ZNF12: variants seen among roughly 807,000 people sequenced by gnomAD.
ZNF12 encodes gonadotropin inducible transcription repressor 3.
In ZNF12, 34 loss-of-function variants were observed where a neutral mutation model predicts 66.6. That is an observed-to-expected ratio of 0.51 (90% confidence interval 0.39 to 0.68). ZNF12 has a LOEUF of 0.68. ZNF12 is among the 30% of genes least tolerant of loss of function. The pLI is 0.00. For missense variants in ZNF12, 697 were observed against 826.9 expected (o/e 0.84, Z 1.93); for synonymous variants, 320 against 278.9 (o/e 1.15, Z -1.47).
At position 6,692,213 on chromosome 7, in the gene ZNF12, C is replaced by T. The variant is rs774826984; in HGVS notation, c.729G>A (p.Trp243Ter). ...VNHMEEKPYK[W>*]NGSEIAFLQM... ...GGAGAAAGGCTATTTCAGATCCATT[C>T]CACTTATAGGGCTTTTCTTCCATGT... is the stretch of plus-strand genomic sequence containing the variant. The change falls in exon 5 of 5, where the codon TGG (tryptophan) becomes TGA (stop). Residue 243 changes from tryptophan to a stop codon, truncating the protein, a stop_gained. Transcript: ENST00000405858. LOFTEE classifies it high-confidence loss of function. The surrounding 1 kb of genome is among the most constrained non-coding windows in gnomAD (Gnocchi z 5.1). 6.2e-7 allele frequency: 1 copy of T among 1,614,006 alleles called. No individual in the cohort carries two copies. The highest frequency in any genetic ancestry group is 8.5e-7 in the Non-Finnish European group (1 of 1,179,880).
chr7:6,701,875 GA>G (rs1430711868), intron 2 of ZNF12, among the ~76,000 whole-genome samples: 1 of 145,432 alleles, frequency 6.9e-6, no homozygotes, highest in Non-Finnish European at 1.5e-5. Flanking sequence ...AAAACAAAAT[GA>G]AAAATCCTTT....
At position 6,692,013 on chromosome 7, in the gene ZNF12, C is replaced by T; in HGVS notation, c.929G>A (p.Gly310Glu). Residue 310 changes from glycine to glutamate, a missense_variant, in exon 5 of 5, where the codon GGA (glycine) becomes GAA (glutamate). Around this residue, in one of 3 missense-constraint regions of ZNF12, gnomAD observed 401 missense variants for 519.0 expected, o/e 0.77. Transcript: ENST00000405858. This position sits in a 1 kb window ranked among gnomAD's most constrained non-coding sequence, Gnocchi z 5.1. ...NQCGKSFCQKGTLTVHQRTHT... is the reference protein window; with the variant it reads ...NQCGKSFCQKETLTVHQRTHT... ...TGTTCTCTGATGCACAGTAAGGGTTCCCTTCTGGCAGAAGGATTTCCCACA... is the reference window on the plus strand; with the variant it reads ...TGTTCTCTGATGCACAGTAAGGGTTTCCTTCTGGCAGAAGGATTTCCCACA... 6.2e-7 allele frequency: 1 copy of T among 1,612,602 alleles called. No homozygotes were observed. The highest frequency in any genetic ancestry group is 8.5e-7 in the Non-Finnish European group (1 of 1,179,548).
At position 6,690,699 on chromosome 7, in the gene ZNF12, T is replaced by A; in HGVS notation, c.*149A>T. The A allele has an allele frequency of 1.3e-6, 1 of 762,812 alleles. No individual in the cohort carries two copies. Among genetic ancestry groups the A allele is most frequent in the Non-Finnish European group, 2.0e-6 (1 of 492,184 alleles). 47.3% of individuals were successfully genotyped at this position (762,812 alleles called of 1,614,324 possible). On this transcript the variant is annotated 3_prime_UTR_variant, in exon 5 of 5. Transcript: ENST00000405858. The stretch of plus-strand genomic sequence containing the variant: ...CTTGTTATAATCATGGTTTCCATTC[T>A]GTGAGTCTTCAGATTATGAGTCCAA...
Position 6,706,432 on chromosome 7 carries a change from C to T in ZNF12, c.-51G>A, listed in dbSNP as rs73331250. On this transcript the variant is annotated splice_region_variant and 5_prime_UTR_variant, in exon 1 of 5. Transcript: ENST00000405858. Reference sequence around the variant, plus strand: ...CCGGGCCCGCAAACCCACGACTTACCCTCCTGGGGCTCCGCAGCCTCTGCC... The same window carrying T: ...CCGGGCCCGCAAACCCACGACTTACTCTCCTGGGGCTCCGCAGCCTCTGCC... The T allele has an allele frequency of 2.1e-3, 1,020 of 476,652 alleles. 7 individuals carry two copies. Among genetic ancestry groups the T allele is most frequent in the African/African-American group, 0.019 (940 of 50,808 alleles). The allele number at this position is 476,652 out of a possible 1,614,324, so 29.5% of individuals were successfully genotyped here.
Position 6,697,406 on chromosome 7 carries a change from G to C in ZNF12, c.171C>G (p.Ile57Met), listed in dbSNP as rs775253717. 1 of 1,612,508 alleles carries C rather than the reference G, an allele frequency of 6.2e-7. No individual in the cohort carries two copies. The highest frequency in any genetic ancestry group is 8.5e-7 in the Non-Finnish European group (1 of 1,179,310). The change falls in exon 4 of 5, where the codon ATC becomes ATG. Residue 57 changes from isoleucine (I) to methionine (M), a missense_variant. Physicochemically the swap from Ile to Met is conservative, Grantham distance 10 (BLOSUM62 1). Transcript: ENST00000405858. The surrounding 1 kb of genome is among the most constrained non-coding windows in gnomAD (Gnocchi z 6.1). ...GCTCTTCTCCTTGCTCCAACTTGCT[G>C]ATAACATCCGGTTTGATAATGTGAT... is the stretch of plus-strand genomic sequence containing the variant. ...VGYHIIKPDV[I>M]SKLEQGEEPW...
At chr7:6,700,334 CACAT>C (rs1242933728) in intron 2 of ZNF12, among the ~76,000 whole-genome samples, 14 of 136,898 alleles carry the variant, frequency 1.0e-4, no homozygotes, top group Admixed American at 2.8e-4. Flanking sequence ...CACACACACA[CACAT>C]ATATATACAT....
Position 6,690,080 on chromosome 7 carries a change from TAAA to T in ZNF12, c.*765_*767del, listed in dbSNP as rs1780042160. On this transcript the variant is annotated 3_prime_UTR_variant, in exon 5 of 5. Coordinates refer to ENST00000405858, the MANE Select transcript of ZNF12 (RefSeq NM_016265.4). ...GACTCAGATACAGTTGAAAACATTA[TAAA>T]AGCATTGGTCCTTTAGAGCTGATAT... 1 of 152,250 alleles carries T rather than the reference TAAA, an allele frequency of 6.6e-6. No homozygotes were observed. Among genetic ancestry groups the T allele is most frequent in the Non-Finnish European group, 1.5e-5 (1 of 68,044 alleles). 9.4% of individuals were successfully genotyped at this position (152,250 alleles called of 1,614,324 possible). A position where few individuals can be genotyped will look rare whatever the true frequency, so the allele number is the denominator to read the frequency against.
Position 6,691,195 on chromosome 7 carries a change from C to A in ZNF12, c.1747G>T (p.Gly583Trp). 2 of 1,614,062 alleles carry A rather than the reference C, an allele frequency of 1.2e-6. No homozygotes were observed. The highest frequency in any genetic ancestry group is 8.5e-7 in the Non-Finnish European group (1 of 1,179,988). ...GEKPYECSEC[G>W]KTFCQNSALN... is the part of the protein sequence containing the mutation. The stretch of plus-strand genomic sequence containing the variant: ...GCTGAATTCTGGCAGAAGGTTTTCC[C>A]ACATTCACTACATTCATAGGGCTTC... The change falls in exon 5 of 5, where the codon GGG (glycine) becomes TGG (tryptophan). Residue 583 changes from glycine (G) to tryptophan (W), a missense_variant. Coordinates refer to ENST00000405858, the MANE Select transcript of ZNF12 (RefSeq NM_016265.4).
chr7:6,705,579 C>T lies in ZNF12; in HGVS notation c.-50-356G>A, dbSNP rs1225508279. 4.6e-5 allele frequency among the ~76,000 whole-genome samples: 7 copies of T among 151,926 alleles called. No individual in the cohort carries two copies. Among genetic ancestry groups the T allele is most frequent in the South Asian group, 2.1e-4 (1 of 4,822 alleles). On this transcript the variant is annotated intron_variant, in intron 1 of 4. Coordinates refer to ENST00000405858, the MANE Select transcript of ZNF12 (RefSeq NM_016265.4). This position sits in a 1 kb window ranked among gnomAD's most constrained non-coding sequence, Gnocchi z 4.0. ...AGTAAAAATACAAAAATTAGCTGGGCGTGGTGGCGGGCGCCTGTAACCCCA... is the reference window on the plus strand; with the variant it reads ...AGTAAAAATACAAAAATTAGCTGGGTGTGGTGGCGGGCGCCTGTAACCCCA...
rs1164352752 is a variant in ZNF12, at chr7:6,697,018, T to C, written c.238+321A>G. On this transcript the variant is annotated intron_variant, in intron 4 of 4. Coordinates refer to ENST00000405858, the MANE Select transcript of ZNF12 (RefSeq NM_016265.4). The surrounding 1 kb of genome is among the most constrained non-coding windows in gnomAD (Gnocchi z 6.1). ...ACGAAGAACACAAGAATCACATAAG[T>C]TATTTTTAAATGTCAGACTTATAAC... Among the ~76,000 whole-genome samples the C allele has an allele frequency of 1.3e-5, 2 of 151,014 alleles. No homozygotes were observed. Among genetic ancestry groups the C allele is most frequent in the African/African-American group, 2.4e-5 (1 of 41,130 alleles).
chr7:6,691,596 A>G lies in ZNF12; in HGVS notation c.1346T>C (p.Leu449Ser). The G allele has an allele frequency of 6.2e-7, 1 of 1,613,746 alleles. No individual in the cohort carries two copies. Among genetic ancestry groups the G allele is most frequent in the Non-Finnish European group, 8.5e-7 (1 of 1,179,880 alleles). ...CNECGKFFSR[L>S]SYLTVHYRTH... ...TCTATAATGTACAGTGAGATATGAC[A>G]ACCGAGAGAAGAATTTTCCACACTC... Residue 449 changes from leucine (L) to serine (S), a missense_variant, in exon 5 of 5, where the codon TTG becomes TCG. Leu to Ser is a moderately radical substitution (Grantham distance 145). Coordinates refer to ENST00000405858, the MANE Select transcript of ZNF12 (RefSeq NM_016265.4).
Position 6,692,174 on chromosome 7 carries a change from G to A in ZNF12, c.768C>T (p.Leu256=). 6.2e-7 allele frequency: 1 copy of A among 1,614,110 alleles called. No homozygotes were observed. Among genetic ancestry groups the A allele is most frequent in the Non-Finnish European group, 8.5e-7 (1 of 1,179,978 alleles). Residue 256 remains leucine (L), a synonymous_variant, in exon 5 of 5, where the codon CTC becomes CTT. Transcript: ENST00000405858. The surrounding 1 kb of genome is among the most constrained non-coding windows in gnomAD (Gnocchi z 5.1). The part of the protein sequence containing the change: ...SEIAFLQMSD[L]TVHQTSHMEM... ...CCATATGAGATGTCTGATGTACAGT[G>A]AGGTCCGACATCTGGAGAAAGGCTA...
chr7:6,692,668 T>C lies in ZNF12; in HGVS notation c.274A>G (p.Ile92Val), dbSNP rs1426321267. The C allele has an allele frequency of 6.2e-7, 1 of 1,607,568 alleles. No homozygotes were observed. Among genetic ancestry groups the C allele is most frequent in the Non-Finnish European group, 8.5e-7 (1 of 1,177,832 alleles). ...GAAGGTTTATTTTCCTCTTCCTGGA[T>C]TCTCTCTATTAGGTCATCAGTTTGC... ...VWQTDDLIER[I>V]QEEENKPSRQ... Residue 92 changes from isoleucine to valine, a missense_variant, in exon 5 of 5, where the codon ATC becomes GTC. Physicochemically the swap from Ile to Val is conservative, Grantham distance 29 (BLOSUM62 3). Transcript: ENST00000405858. This position sits in a 1 kb window ranked among gnomAD's most constrained non-coding sequence, Gnocchi z 5.1.
chr7:6,693,137 T>A (rs891063017), intron 4 of ZNF12, among the ~76,000 whole-genome samples: 1 of 152,036 alleles, frequency 6.6e-6, no homozygotes, highest in African/African-American at 2.4e-5. Context: ...TAGGGGGAGG[T>A]AAAGCTGTAC....
rs1388791415 is a variant in ZNF12 at position 6,692,632 on chromosome 7, C to G, written c.310G>C (p.Val104Leu). The G allele has an allele frequency of 6.2e-7, 1 of 1,612,726 alleles. No homozygotes were observed. The highest frequency in any genetic ancestry group is 2.2e-5 in the East Asian group (1 of 44,856). Residue 104 changes from valine to leucine, a missense_variant, in exon 5 of 5, where the codon GTG becomes CTG. By Grantham distance (32) the Val-to-Leu change is conservative. Transcript: ENST00000405858. This position sits in a 1 kb window ranked among gnomAD's most constrained non-coding sequence, Gnocchi z 5.1. ...TCTTCAATCAGGGTCTCAATGAACACAGTTTGCCTTGAAGGTTTATTTTCC... is the reference window on the plus strand; with the variant it reads ...TCTTCAATCAGGGTCTCAATGAACAGAGTTTGCCTTGAAGGTTTATTTTCC... ...EEENKPSRQT[V>L]FIETLIEERG...
Position 6,698,145 on chromosome 7 carries a change from C to T in ZNF12, c.16-334G>A. On this transcript the variant is annotated intron_variant, in intron 2 of 4. Coordinates refer to ENST00000405858, the MANE Select transcript of ZNF12 (RefSeq NM_016265.4). The surrounding 1 kb of genome is among the most constrained non-coding windows in gnomAD (Gnocchi z 4.4). Reference sequence around the variant, plus strand: ...CACTCACAGAACCCCAGGATGCACTCTGCTTCTTTGCACATTCTTCAATTT... The same window carrying T: ...CACTCACAGAACCCCAGGATGCACTTTGCTTCTTTGCACATTCTTCAATTT... The T allele has an allele frequency of 2.0e-6, 1 of 496,036 alleles. No individual in the cohort carries two copies. The highest frequency in any genetic ancestry group is 1.6e-5 in the South Asian group (1 of 61,952). The allele number at this position is 496,036 out of a possible 1,614,324, so 30.7% of individuals were successfully genotyped here.
chr7:6,692,823 G>T lies in ZNF12; in HGVS notation c.239-120C>A. ...TGAGTAGATGCTAGCTTCATGAACA[G>T]ATGAAAATAATTCCAAGTGTACTCT... On this transcript the variant is annotated intron_variant, in intron 4 of 4. Coordinates refer to ENST00000405858, the MANE Select transcript of ZNF12 (RefSeq NM_016265.4). The surrounding 1 kb of genome is among the most constrained non-coding windows in gnomAD (Gnocchi z 5.1). 2.0e-6 allele frequency: 2 copies of T among 989,482 alleles called. No homozygotes were observed. The highest frequency in any genetic ancestry group is 2.9e-6 in the Non-Finnish European group (2 of 699,092). The allele number at this position is 989,482 out of a possible 1,614,324, so 61.3% of individuals were successfully genotyped here. A position where few individuals can be genotyped will look rare whatever the true frequency, so the allele number is the denominator to read the frequency against.
rs200056884 is a variant in ZNF12 at position 6,697,759 on chromosome 7, T to C, written c.68A>G (p.Gln23Arg). The stretch of plus-strand genomic sequence containing the variant: ...TATCTTCTGCTCAGGATCCAGCTGC[T>C]GCCATTCCTCCTGGGTGAAGTCCAC... ...VAVDFTQEEWQQLDPEQKITY... is the reference protein window; with the variant it reads ...VAVDFTQEEWRQLDPEQKITY... The change falls in exon 3 of 5, where the codon CAG becomes CGG. Residue 23 changes from glutamine (Q) to arginine (R), a missense_variant. Gln to Arg is a conservative substitution (Grantham distance 43). Transcript: ENST00000405858. This position sits in a 1 kb window ranked among gnomAD's most constrained non-coding sequence, Gnocchi z 6.1. 9 of 1,614,178 alleles carry C rather than the reference T, an allele frequency of 5.6e-6. No homozygotes were observed. The African/African-American group carries it at 1.1e-4, about 19-fold the overall frequency.
rs73674163 is a variant in ZNF12, at chr7:6,698,495, C to T, written c.16-684G>A. On this transcript the variant is annotated intron_variant, in intron 2 of 4. Transcript: ENST00000405858. This position sits in a 1 kb window ranked among gnomAD's most constrained non-coding sequence, Gnocchi z 4.4. ...ATTGCTGTTCCTGTTCAAACCTGCT[C>T]CTACCATAGCTACTACTGGAACCAA... 0.059 allele frequency among the ~76,000 whole-genome samples: 9,007 copies of T among 152,292 alleles called. 333 individuals carry two copies. Among genetic ancestry groups the T allele is most frequent in the African/African-American group, 0.094 (3,924 of 41,556 alleles).
Sources: allele counts gnomAD v4.1 joint callset (sites outside exome capture counted in the v4.1 genomes callset), GRCh38; gene constraint gnomAD v4.1.1; regional missense constraint gnomAD v4.1.1; non-coding constraint Gnocchi (gnomAD v3.1); transcripts MANE v1.5; gene names NCBI Gene and HGNC (gene_info 2026-07-23, HGNC 2026-07-21).